Variants in ENTREP2 observed in about 807,000 individuals in gnomAD.
The protein encoded by ENTREP2 is endosomal transmembrane epsin interactor 2.
chr15:29,137,889 A>G, the ENTREP2 span, among the ~76,000 whole-genome samples: 1 of 152,020 alleles, frequency 6.6e-6, no homozygotes. Flanking sequence ...AAGTGTGTTC[A>G]TGAGAAAACA....
At chr15:29,124,672 A>G in the ENTREP2 span, 8 of 1,549,676 alleles carry the variant, frequency 5.2e-6, no homozygotes, top group Middle Eastern at 1.7e-4. Flanking sequence ...GCGCTTTAGA[A>G]AAGAAGCGTC....
At chr15:29,609,856 T>A in the ENTREP2 span, 1 of 150,332 alleles carries the variant, frequency 6.7e-6, no homozygotes, top group Non-Finnish European at 1.5e-5. Flanking sequence ...TCAAAAATAT[T>A]TGCTAATTTG....
At chr15:29,629,002 G>A in the ENTREP2 span, among the ~76,000 whole-genome samples, 1 of 152,076 alleles carries the variant, frequency 6.6e-6, no homozygotes, top group Non-Finnish European at 1.5e-5. Context: ...TACCCGCCTC[G>A]GCCTCCCAGA....
At chr15:29,161,162 T>C in the ENTREP2 span, among the ~76,000 whole-genome samples, 1 of 152,302 alleles carries the variant, frequency 6.6e-6, no homozygotes, top group African/African-American at 2.4e-5. Flanking sequence ...ATGCCAAGAA[T>C]GTAAGGCCTT....
chr15:29,576,669 A>T, the ENTREP2 span, among the ~76,000 whole-genome samples: 1 of 152,258 alleles, frequency 6.6e-6, no homozygotes, highest in African/African-American at 2.4e-5. Context: ...TGACTTGAAT[A>T]GACATTTCTC....
chr15:29,306,235 C>G, the ENTREP2 span, among the ~76,000 whole-genome samples: 4 of 152,350 alleles, frequency 2.6e-5, no homozygotes, highest in East Asian at 7.7e-4. Context: ...TCAGCATAGA[C>G]AGGAACCTGG....
At chr15:29,588,892 A>C in the ENTREP2 span, among the ~76,000 whole-genome samples, 1 of 151,712 alleles carries the variant, frequency 6.6e-6, no homozygotes, top group East Asian at 1.9e-4. Flanking sequence ...AGGAGGATGA[A>C]GTGAGAGGAT....
chr15:29,671,293 G>A, the ENTREP2 span, among the ~76,000 whole-genome samples: 1 of 152,176 alleles, frequency 6.6e-6, no homozygotes, highest in Non-Finnish European at 1.5e-5. Context: ...TAGTAAATAA[G>A]TGTTTTCTTG....
the ENTREP2 span, chr15:29,264,877 C>G: frequency 6.6e-6 from 1 of 151,982 alleles, no homozygotes; most frequent in Non-Finnish European, 1.5e-5. Context: ...ACATTTTGAG[C>G]TATATGTATT....
At chr15:29,561,049 T>C in the ENTREP2 span, among the ~76,000 whole-genome samples, 1 of 3,486 alleles carries the variant, frequency 2.9e-4, no homozygotes, top group Non-Finnish European at 4.6e-4. Context: ...CACAATGAGA[T>C]ATCATCTCAC....
chr15:29,288,064 T>G, the ENTREP2 span, among the ~76,000 whole-genome samples: 4 of 152,210 alleles, frequency 2.6e-5, no homozygotes, highest in African/African-American at 9.6e-5. Flanking sequence ...GAAATTACAT[T>G]TTTTAAACAA....
the ENTREP2 span, among the ~76,000 whole-genome samples, chr15:29,478,019 A>AT: frequency 9.8e-3 from 530 of 54,288 alleles, 18 homozygotes; most frequent in Middle Eastern, 0.015. Flanking sequence ...ATATATATAT[A>AT]TTTTTTTTTT....
the ENTREP2 span, among the ~76,000 whole-genome samples, chr15:29,275,757 CTTG>C: frequency 1.3e-5 from 2 of 152,298 alleles, no homozygotes; most frequent in African/African-American, 4.8e-5. Context: ...CATGGTATTT[CTTG>C]TGAATCAGAA....
the ENTREP2 span, among the ~76,000 whole-genome samples, chr15:29,246,972 G>GTCACACACACAC: frequency 3.6e-5 from 2 of 54,988 alleles, no homozygotes. Context: ...TGACTGGAAA[G>GTCACACACACAC]GCACACACAC....
At chr15:29,605,525 C>A in the ENTREP2 span, among the ~76,000 whole-genome samples, 2 of 152,130 alleles carry the variant, frequency 1.3e-5, no homozygotes, top group Non-Finnish European at 2.9e-5. Flanking sequence ...TTTTAAAAGT[C>A]ATTTTATTTT....
the ENTREP2 span, among the ~76,000 whole-genome samples, chr15:29,450,512 G>A: frequency 6.6e-6 from 1 of 152,182 alleles, no homozygotes; most frequent in Admixed American, 6.5e-5. Context: ...TTGCTTTGCA[G>A]GTGGGGGTGT....
the ENTREP2 span, chr15:29,269,812 C>T: frequency 9.3e-7 from 1 of 1,077,170 alleles, no homozygotes; most frequent in Non-Finnish European, 1.3e-6. Flanking sequence ...CGCGCAGTGT[C>T]GGCTGAGACT....
the ENTREP2 span, among the ~76,000 whole-genome samples, chr15:29,538,638 CA>C: frequency 0.16 from 12,890 of 79,048 alleles, 1,138 homozygotes; most frequent in African/African-American, 0.35. Context: ...ACTAAAAATA[CA>C]AAAAAAAAAA....
chr15:29,183,499 T>A, the ENTREP2 span, among the ~76,000 whole-genome samples: 5 of 152,280 alleles, frequency 3.3e-5, no homozygotes, highest in Non-Finnish European at 5.9e-5. Context: ...ATTCTAGCAC[T>A]GTTAGAATAA....
Sources: gnomAD v4.1 joint callset for allele counts (sites outside exome capture counted in the v4.1 genomes callset) on GRCh38, gnomAD v4.1.1 for gene constraint, MANE v1.5 for transcripts, NCBI Gene and HGNC (gene_info 2026-07-23, HGNC 2026-07-21) for gene names.